Variants in UVRAG observed in about 807,000 individuals in gnomAD.
The protein encoded by UVRAG is UV radiation resistance-associated gene protein.
UVRAG carries 19 observed loss-of-function variants against 78.0 expected under a neutral mutation model. The observed-to-expected ratio is 0.24, with a 90% CI of 0.17 to 0.36. The LOEUF is 0.36. Among genes scored for constraint, UVRAG ranks in the 10% least tolerant of loss-of-function variants. The pLI, the probability that UVRAG is intolerant of heterozygous loss-of-function variation, is 1.00. For missense variants in UVRAG, 740 were observed against 853.8 expected (o/e 0.87, Z 1.66); for synonymous variants, 323 against 324.6 (o/e 1.00, Z 0.05).
intron 6 of UVRAG, among the ~76,000 whole-genome samples, chr11:75,918,326 C>G (rs1039832439): frequency 6.6e-6 from 1 of 150,628 alleles, no homozygotes; most frequent in East Asian, 1.9e-4. Flanking sequence ...TGCAGTGAGC[C>G]GAGATCGCGC....
At chr11:76,069,943 C>T (rs1951269226) in intron 13 of UVRAG, among the ~76,000 whole-genome samples, 1 of 152,074 alleles carries the variant, frequency 6.6e-6, no homozygotes, top group Non-Finnish European at 1.5e-5. Flanking sequence ...ATAATTTTTC[C>T]ATTAGCAAGC....
chr11:75,859,122 C>T (rs1443083028), intron 2 of UVRAG, among the ~76,000 whole-genome samples: 3 of 152,282 alleles, frequency 2.0e-5, no homozygotes, highest in Admixed American at 1.3e-4. Flanking sequence ...CGCCTGTAAT[C>T]CCAGCACTTT....
At chr11:75,974,398 C>T (rs1265052707) in intron 7 of UVRAG, among the ~76,000 whole-genome samples, 4 of 121,030 alleles carry the variant, frequency 3.3e-5, no homozygotes, top group African/African-American at 6.4e-5. Context: ...CTCGCTCTGT[C>T]GCCCAGGCCG....
At chr11:76,130,389 T>C (rs1350696561) in intron 14 of UVRAG, among the ~76,000 whole-genome samples, 1 of 152,230 alleles carries the variant, frequency 6.6e-6, no homozygotes, top group Non-Finnish European at 1.5e-5. Flanking sequence ...CCAATTATTA[T>C]AGCCCCAGAG....
intron 8 of UVRAG, among the ~76,000 whole-genome samples, chr11:75,984,408 T>C (rs1343067656): frequency 6.6e-6 from 1 of 152,236 alleles, no homozygotes; most frequent in Non-Finnish European, 1.5e-5. Flanking sequence ...TGTAAGCTAA[T>C]AAAAGTGTTC....
At chr11:76,050,740 T>A (rs1023540257) in intron 12 of UVRAG, among the ~76,000 whole-genome samples, 27 of 152,208 alleles carry the variant, frequency 1.8e-4, no homozygotes, top group Non-Finnish European at 3.2e-4. Context: ...AGATTTTTTT[T>A]AAATGCATTT....
chr11:75,815,642 CG>C, intron 1 of UVRAG, 118 bp downstream of exon 1: 1 of 550,738 alleles, frequency 1.8e-6, no homozygotes, highest in Non-Finnish European at 2.7e-6. Flanking sequence ...CCGGAGGGCT[CG>C]CGGGACTGAG....
At chr11:75,903,031 A>G (rs769078735) in intron 5 of UVRAG, among the ~76,000 whole-genome samples, 2 of 152,086 alleles carry the variant, frequency 1.3e-5, no homozygotes, top group African/African-American at 4.8e-5. Flanking sequence ...AGTCAGTTGT[A>G]TAGTACTTTG....
chr11:76,103,545 T>C (rs1951917385), intron 13 of UVRAG, among the ~76,000 whole-genome samples: 1 of 141,890 alleles, frequency 7.0e-6, no homozygotes, highest in African/African-American at 3.1e-5. Context: ...TGGTTTTTTT[T>C]TTTTTTTTTT....
intron 5 of UVRAG, among the ~76,000 whole-genome samples, chr11:75,896,631 T>C (rs766748941): frequency 1.3e-5 from 2 of 152,224 alleles, no homozygotes; most frequent in African/African-American, 2.4e-5. Flanking sequence ...ACACTATATC[T>C]CTAGCACAGT....
rs1376128125 is a variant in UVRAG at position 75,981,309 on chromosome 11, A to G, written c.700-2078A>G. 4.0e-5 allele frequency among the ~76,000 whole-genome samples: 6 copies of G among 151,466 alleles called. No individual in the cohort carries two copies. In the East Asian group the frequency reaches 5.8e-4, roughly 15 times the overall value. ...ATATTTTTAGTAGAGATGGGGTTTC[A>G]CTATGTTGGCCAGGCTGGTCTCAAA... On this transcript the variant is annotated intron_variant, in intron 7 of 14. Coordinates refer to ENST00000356136, the MANE Select transcript of UVRAG (RefSeq NM_003369.4).
chr11:75,816,864 G>A (rs1303195885), intron 1 of UVRAG, among the ~76,000 whole-genome samples: 1 of 152,136 alleles, frequency 6.6e-6, no homozygotes, highest in East Asian at 1.9e-4. Flanking sequence ...TAAAGGAGGC[G>A]GGGGCTAAAG....
At chr11:76,066,345 C>G (rs1951185231) in intron 13 of UVRAG, among the ~76,000 whole-genome samples, 1 of 152,052 alleles carries the variant, frequency 6.6e-6, no homozygotes, top group Non-Finnish European at 1.5e-5. Flanking sequence ...CTATCAGATG[C>G]CTAGGTTTGT....
intron 1 of UVRAG, among the ~76,000 whole-genome samples, chr11:75,828,179 C>G (rs1410248360): frequency 6.6e-6 from 1 of 152,024 alleles, no homozygotes; most frequent in Admixed American, 6.6e-5. Context: ...ATATTTCAGA[C>G]TTGTTTTCAT....
intron 3 of UVRAG, among the ~76,000 whole-genome samples, chr11:75,866,495 C>G (rs1207911211): frequency 6.6e-6 from 1 of 151,876 alleles, no homozygotes; most frequent in Non-Finnish European, 1.5e-5. Flanking sequence ...TTGTGGTGAA[C>G]TATGATTGCA....
intron 6 of UVRAG, chr11:75,942,531 AGCTCAACACCACT>A (rs765606148): frequency 5.3e-5 from 8 of 152,138 alleles, no homozygotes; most frequent in Admixed American, 2.0e-4. Flanking sequence ...TTTTCTTCAC[AGCTCAACACCACT>A]GCTTTCTGTT....
intron 6 of UVRAG, among the ~76,000 whole-genome samples, chr11:75,941,208 ATG>A (rs1171121317): frequency 6.6e-6 from 1 of 152,152 alleles, no homozygotes. Flanking sequence ...CTTTGCTTTT[ATG>A]AGCTACCCAA....
chr11:76,121,878 G>T (rs17134573), intron 14 of UVRAG, among the ~76,000 whole-genome samples: 5 of 152,078 alleles, frequency 3.3e-5, no homozygotes, highest in Admixed American at 3.3e-4. Context: ...AGAGATAAGT[G>T]TGTATTCCCT....
rs1555080662 is a variant in UVRAG, at chr11:75,884,240, T to TCTTTCTC, written c.432+4200_432+4201insCTTTCTC. Reference sequence around the variant, plus strand: ...TCTCTCTCTCTCTCTCTCTCTCTCTTTCTCTCTCTCTCTCTGTGTGAAGTG... The same window carrying TCTTTCTC: ...TCTCTCTCTCTCTCTCTCTCTCTCTTCTTTCTCTCTCTCTCTCTCTCTGTGTGAAGTG... On this transcript the variant is annotated intron_variant, in intron 4 of 14. Transcript: ENST00000356136. Among the ~76,000 whole-genome samples, 375 of 132,542 alleles carry TCTTTCTC rather than the reference T, an allele frequency of 2.8e-3. 1 individual carries two copies. Among genetic ancestry groups the TCTTTCTC allele is most frequent in the African/African-American group, 0.011 (352 of 31,140 alleles). The allele number at this position is 132,542 out of a possible 152,430, so 87.0% of individuals were successfully genotyped here.
Sources: allele counts gnomAD v4.1 joint callset (sites outside exome capture counted in the v4.1 genomes callset), GRCh38; gene constraint gnomAD v4.1.1; transcripts MANE v1.5; gene names NCBI Gene and HGNC (gene_info 2026-07-23, HGNC 2026-07-21).